PIK3C2A: variants seen among roughly 807,000 people sequenced by gnomAD.
The protein encoded by PIK3C2A is phosphatidylinositol-4-phosphate 3-kinase catalytic subunit type 2 alpha, also known as phosphatidylinositol 4-phosphate 3-kinase C2 domain-containing subunit alpha.
Under a neutral mutation model 204.5 loss-of-function variants are expected in PIK3C2A, and 97 were observed. The observed-to-expected ratio is 0.47, with a 90% CI of 0.40 to 0.56. The LOEUF is 0.56. Ranked by LOEUF, PIK3C2A falls within the 20% of genes least tolerant of loss-of-function variation. PIK3C2A has a pLI of 0.00. For missense variants in PIK3C2A, 1,735 were observed against 1,969.2 expected (o/e 0.88, Z 2.25); for synonymous variants, 653 against 664.4 (o/e 0.98, Z 0.26).
Position 17,087,147 on chromosome 11 carries a change from A to G in PIK3C2A, c.*2591T>C, listed in dbSNP as rs1433754024. ...TCTGATGCAGGACAACATGTAGCAT[A>G]ATTATTTTTAGTCAATAAAGGTGAG... On this transcript the variant is annotated 3_prime_UTR_variant, in exon 33 of 33. Transcript: ENST00000691414. The G allele has an allele frequency of 6.6e-6, 1 of 152,216 alleles. No individual in the cohort carries two copies. Among genetic ancestry groups the G allele is most frequent in the Non-Finnish European group, 1.5e-5 (1 of 68,020 alleles). 9.4% of individuals were successfully genotyped at this position (152,216 alleles called of 1,614,324 possible).
At chr11:17,144,156 T>C (rs1590958270) in intron 8 of PIK3C2A, among the ~76,000 whole-genome samples, 1 of 152,212 alleles carries the variant, frequency 6.6e-6, no homozygotes. Flanking sequence ...CAGAATTGCT[T>C]ATACTTCCAT....
At chr11:17,162,349 A>C (rs1850804155) in intron 2 of PIK3C2A, among the ~76,000 whole-genome samples, 1 of 151,830 alleles carries the variant, frequency 6.6e-6, no homozygotes, top group African/African-American at 2.4e-5. Context: ...TAAAAAAAAA[A>C]AACAAAAACA....
In PIK3C2A at chr11:17,098,905, T is replaced by G. The variant is rs866173807; in HGVS notation, c.4118+955A>C. On this transcript the variant is annotated intron_variant, in intron 26 of 32. Transcript: ENST00000691414. ...AGAACATATTTGTCAAGAAGATCTGTTTTTTTTGACACAGAGTTTCGCTTT... is the reference window on the plus strand; with the variant it reads ...AGAACATATTTGTCAAGAAGATCTGGTTTTTTTGACACAGAGTTTCGCTTT... 8.6e-5 allele frequency among the ~76,000 whole-genome samples: 13 copies of G among 151,986 alleles called. 1 individual carries two copies. In the South Asian group the frequency reaches 2.1e-3, roughly 24 times the overall value.
chr11:17,119,125 G>A (rs767273731), intron 17 of PIK3C2A, 95 bp downstream of exon 17: 13 of 743,032 alleles, frequency 1.7e-5, no homozygotes, highest in Admixed American at 5.0e-5. Flanking sequence ...ACTAAAAAAC[G>A]ACTTTTAATC....
intron 1 of PIK3C2A, among the ~76,000 whole-genome samples, chr11:17,176,540 A>G (rs1013587435): frequency 6.6e-6 from 1 of 152,024 alleles, no homozygotes; most frequent in Non-Finnish European, 1.5e-5. Flanking sequence ...CAGCACTTTG[A>G]GGCTTTGAGA....
At chr11:17,152,332 T>C (rs1039379343) in intron 3 of PIK3C2A, among the ~76,000 whole-genome samples, 3 of 152,166 alleles carry the variant, frequency 2.0e-5, no homozygotes, top group African/African-American at 7.2e-5. Context: ...TTCTGTAAAA[T>C]TGATTTCTTC....
At chr11:17,101,525 T>A (rs1848621076) in intron 24 of PIK3C2A, 91 bp from the exon 25 acceptor site, 1 of 567,268 alleles carries the variant, frequency 1.8e-6, no homozygotes, top group African/African-American at 1.9e-5. Flanking sequence ...CTATCTGAGG[T>A]ACAGCCATTT....
chr11:17,150,115 A>T (rs1475408657), intron 4 of PIK3C2A, among the ~76,000 whole-genome samples: 1 of 152,212 alleles, frequency 6.6e-6, no homozygotes, highest in African/African-American at 2.4e-5. Context: ...ATTAAAATAA[A>T]AGAGAATTAT....
intron 31 of PIK3C2A, 32 bp downstream of exon 31, chr11:17,091,515 C>T (rs1335919191): frequency 8.7e-6 from 14 of 1,609,554 alleles, no homozygotes; most frequent in Non-Finnish European, 1.2e-5. Flanking sequence ...TAAGGGTTTC[C>T]TCTACAACCA....
chr11:17,169,124 A>G lies in PIK3C2A; in HGVS notation c.618T>C (p.Phe206=), dbSNP rs1427294221. 2 of 1,614,186 alleles carry G rather than the reference A, an allele frequency of 1.2e-6. No individual in the cohort carries two copies. The highest frequency in any genetic ancestry group is 1.7e-6 in the Non-Finnish European group (2 of 1,180,024). ...FSYPLTPATP[F]HPQGSLPIYR... ...AGATAGGTAAGCTTCCTTGTGGATG[A>G]AAGGGTGTGGCAGGTGTCAAAGGAT... The change falls in exon 2 of 33, where the codon TTT becomes TTC. Residue 206 remains phenylalanine (F), a synonymous_variant. Coordinates refer to ENST00000691414, the MANE Select transcript of PIK3C2A (RefSeq NM_002645.4).
rs754242448 is a variant in PIK3C2A, at chr11:17,110,393, GA to G, written c.3544+38del. 4.8e-5 allele frequency: 74 copies of G among 1,551,682 alleles called. No homozygotes were observed. The African/African-American group carries it at 7.8e-4, about 16-fold the overall frequency. The stretch of plus-strand genomic sequence containing the variant: ...AGGTACACTTTAAGCTAAGTTCAAG[GA>G]AAAAAATAAGACATCAAGACACAGC... On this transcript the variant is annotated intron_variant, in intron 22 of 32. Coordinates refer to ENST00000691414, the MANE Select transcript of PIK3C2A (RefSeq NM_002645.4).
At position 17,118,689 on chromosome 11, in the gene PIK3C2A, C is replaced by T. The variant is rs1467672433; in HGVS notation, c.2991G>A (p.Leu997=). Reference sequence around the variant, plus strand: ...TCTGGATATTTCCCAATGCCCTGGACAAAAGGAATTGCACTAATGAACTAT... The same window carrying T: ...TCTGGATATTTCCCAATGCCCTGGATAAAAGGAATTGCACTAATGAACTAT... ...YLNSSLVQFL[L]SRALGNIQIA... is the part of the protein sequence containing the mutation. Residue 997 remains leucine, a synonymous_variant, in exon 18 of 33, where the codon TTG becomes TTA. Coordinates refer to ENST00000691414, the MANE Select transcript of PIK3C2A (RefSeq NM_002645.4). 2 of 1,569,116 alleles carry T rather than the reference C, an allele frequency of 1.3e-6. No individual in the cohort carries two copies. Among genetic ancestry groups the T allele is most frequent in the Non-Finnish European group, 8.8e-7 (1 of 1,141,278 alleles).
In PIK3C2A at chr11:17,145,732, C is replaced by CT; in HGVS notation, c.1641-2dup. ...ATCTAAGAGTTCTTCAACAGGGTGT[C>CT]TGAAAGAAACAACAGTTATTGTGGC... On this transcript the variant is annotated splice_acceptor_variant, in intron 7 of 32. Transcript: ENST00000691414. LOFTEE classifies it high-confidence loss of function. The CT allele has an allele frequency of 6.2e-7, 1 of 1,602,810 alleles. No homozygotes were observed. Among genetic ancestry groups the CT allele is most frequent in the East Asian group, 2.2e-5 (1 of 44,748 alleles).
intron 8 of PIK3C2A, among the ~76,000 whole-genome samples, chr11:17,138,562 C>A (rs141017609): frequency 2.0e-5 from 3 of 152,084 alleles, no homozygotes; most frequent in Non-Finnish European, 4.4e-5. Context: ...TTTTACTGTC[C>A]TTTTTTCCTC....
intron 19 of PIK3C2A, 30 bp from the exon 20 acceptor site, chr11:17,114,495 C>A: frequency 1.0e-6 from 1 of 956,776 alleles, no homozygotes; most frequent in South Asian, 1.4e-5. Context: ...ACTGTAAGTA[C>A]ATAATGAAAA....
At chr11:17,115,488 T>C (rs1311996203) in intron 19 of PIK3C2A, among the ~76,000 whole-genome samples, 2 of 149,952 alleles carry the variant, frequency 1.3e-5, no homozygotes, top group Non-Finnish European at 3.0e-5. Flanking sequence ...CTGTGGTGAA[T>C]TGTGATCACA....
intron 8 of PIK3C2A, among the ~76,000 whole-genome samples, chr11:17,137,732 T>A (rs1456036656): frequency 6.6e-6 from 1 of 152,090 alleles, no homozygotes. Context: ...AAGTGCCAAT[T>A]ATCAATTTAT....
chr11:17,106,531 T>C (rs1221702072), intron 22 of PIK3C2A, among the ~76,000 whole-genome samples: 1 of 152,228 alleles, frequency 6.6e-6, no homozygotes, highest in Non-Finnish European at 1.5e-5. Flanking sequence ...AGTCTGTACA[T>C]CCATGTACTA....
At chr11:17,090,229 G>A (rs1026385135) in intron 32 of PIK3C2A, among the ~76,000 whole-genome samples, 1 of 152,230 alleles carries the variant, frequency 6.6e-6, no homozygotes, top group African/African-American at 2.4e-5. Flanking sequence ...AGCACTTTGG[G>A]AGGCTGAGGC....
Sources: gnomAD v4.1 joint callset for allele counts (sites outside exome capture counted in the v4.1 genomes callset) on GRCh38, gnomAD v4.1.1 for gene constraint, MANE v1.5 for transcripts, NCBI Gene and HGNC (gene_info 2026-07-23, HGNC 2026-07-21) for gene names.